DGLUCY: variants seen among roughly 807,000 people sequenced by gnomAD.
The protein encoded by DGLUCY is D-glutamate cyclase.
Under a neutral mutation model 58.5 loss-of-function variants are expected in DGLUCY, and 58 were observed. The observed-to-expected ratio is 0.99, with a 90% CI of 0.80 to 1.23. The LOEUF (loss-of-function observed/expected upper bound fraction) is 1.23. Among genes scored for constraint, DGLUCY ranks in the 50% most tolerant of loss-of-function variants. DGLUCY has a pLI of 0.00. For missense variants in DGLUCY, 779 were observed against 784.7 expected, an observed-to-expected ratio of 0.99 and a Z score of 0.09; for synonymous variants, 325 against 314.1, an observed-to-expected ratio of 1.03 and a Z score of -0.37.
At chr14:91,182,435 T>TA (rs1370688589) in intron 8 of DGLUCY, among the ~76,000 whole-genome samples, 1 of 151,978 alleles carries the variant, frequency 6.6e-6, no homozygotes, top group East Asian at 1.9e-4. Flanking sequence ...CTGCCACCAT[T>TA]AAAAAAAAGT....
chr14:91,202,075 A>ATAATAATAATAATAATAATAATAT (rs2050608338), intron 11 of DGLUCY, among the ~76,000 whole-genome samples: 1 of 143,606 alleles, frequency 7.0e-6, no homozygotes, highest in Admixed American at 7.2e-5. Context: ...AATAATAATA[A>ATAATAATAATAATAATAATAATAT]TAATAATAAT....
chr14:91,068,224 C>T (rs1231564843), intron 1 of DGLUCY, among the ~76,000 whole-genome samples: 1 of 152,180 alleles, frequency 6.6e-6, no homozygotes, highest in Non-Finnish European at 1.5e-5. Flanking sequence ...GCTTAGCAAC[C>T]TTCCTAGCAT....
chr14:91,097,956 AAG>A (rs1417350530), intron 1 of DGLUCY, among the ~76,000 whole-genome samples: 1 of 152,204 alleles, frequency 6.6e-6, no homozygotes, highest in African/African-American at 2.4e-5. Context: ...CTGGAAGAAA[AAG>A]AGAAAAAAAT....
chr14:91,220,790 G>A (rs910997197), intron 13 of DGLUCY: 12 of 421,906 alleles, frequency 2.8e-5, no homozygotes, highest in African/African-American at 2.4e-4. Flanking sequence ...CTGTGCCAGA[G>A]CCCAGGGCCA....
chr14:91,082,694 A>G (rs930649229), intron 1 of DGLUCY, among the ~76,000 whole-genome samples: 2 of 152,190 alleles, frequency 1.3e-5, no homozygotes, highest in African/African-American at 4.8e-5. Flanking sequence ...TGTTGGTATC[A>G]GCTTCATTAT....
chr14:91,108,975 G>A (rs2044648886), intron 1 of DGLUCY, among the ~76,000 whole-genome samples: 1 of 152,130 alleles, frequency 6.6e-6, no homozygotes, highest in African/African-American at 2.4e-5. Flanking sequence ...CCAGGCCCAT[G>A]GTATAGGAAC....
chr14:91,199,400 C>T (rs1212500391), intron 10 of DGLUCY, among the ~76,000 whole-genome samples: 2 of 152,038 alleles, frequency 1.3e-5, no homozygotes, highest in South Asian at 2.1e-4. Flanking sequence ...GCTGGGACTA[C>T]AAGCACCCAC....
intron 1 of DGLUCY, among the ~76,000 whole-genome samples, chr14:91,090,737 G>A (rs1018248181): frequency 6.6e-6 from 1 of 152,180 alleles, no homozygotes; most frequent in African/African-American, 2.4e-5. Context: ...AGACACTGAG[G>A]AAGATGCCTA....
intron 1 of DGLUCY, among the ~76,000 whole-genome samples, chr14:91,073,341 T>G (rs1255743780): frequency 2.0e-5 from 3 of 152,076 alleles, no homozygotes; most frequent in Non-Finnish European, 4.4e-5. Context: ...CTCAGGAGGA[T>G]GAGGCACGAG....
chr14:91,177,777 T>C (rs10132170), intron 7 of DGLUCY, among the ~76,000 whole-genome samples: 54,861 of 152,198 alleles, frequency 0.36, 10,450 homozygotes, highest in Non-Finnish European at 0.42. Context: ...TGATGAGGCG[T>C]GGCTGCCAAG....
intron 12 of DGLUCY, among the ~76,000 whole-genome samples, chr14:91,205,842 C>CTTTTTT (rs36096639): frequency 2.8e-5 from 2 of 70,698 alleles, no homozygotes; most frequent in Non-Finnish European, 4.8e-5. Flanking sequence ...TCTTCTTCTT[C>CTTTTTT]TTTTTTTTTT....
intron 1 of DGLUCY, among the ~76,000 whole-genome samples, chr14:91,115,581 G>T (rs1189383912): frequency 6.6e-6 from 1 of 152,112 alleles, no homozygotes; most frequent in Non-Finnish European, 1.5e-5. Flanking sequence ...ATGCCACCAG[G>T]TCTGGCTAAT....
At chr14:91,209,079 C>T (rs1193629375) in intron 12 of DGLUCY, among the ~76,000 whole-genome samples, 1 of 151,850 alleles carries the variant, frequency 6.6e-6, no homozygotes, top group Non-Finnish European at 1.5e-5. Flanking sequence ...TTTGGGAGGC[C>T]GAGGTGGGTG....
intron 2 of DGLUCY, among the ~76,000 whole-genome samples, chr14:91,158,687 CAACA>C (rs2047797681): frequency 6.6e-6 from 1 of 152,112 alleles, no homozygotes; most frequent in African/African-American, 2.4e-5. Flanking sequence ...GCTAGTCATC[CAACA>C]AACACTTACT....
intron 1 of DGLUCY, among the ~76,000 whole-genome samples, chr14:91,075,272 A>C (rs1405089100): frequency 6.6e-6 from 1 of 151,978 alleles, no homozygotes; most frequent in Non-Finnish European, 1.5e-5. Flanking sequence ...GGGTTGTCAC[A>C]GTAGCATTTA....
At chr14:91,114,042 G>C (rs1316577836), upstream of DGLUCY, 1 of 152,388 alleles carries the variant, frequency 6.6e-6, no homozygotes, top group Non-Finnish European at 1.5e-5. Context: ...CTGCCGAGGA[G>C]ACCACGCTGC....
At chr14:91,077,867 G>A (rs2044055243) in intron 1 of DGLUCY, among the ~76,000 whole-genome samples, 1 of 151,390 alleles carries the variant, frequency 6.6e-6, no homozygotes, top group Non-Finnish European at 1.5e-5. Flanking sequence ...AGGAAGAAAG[G>A]AAGGAAGGGA....
chr14:91,158,831 CTT>C (rs1304125904), intron 2 of DGLUCY: 50 of 138,192 alleles, frequency 3.6e-4, no homozygotes, highest in Admixed American at 5.1e-4. Flanking sequence ...TAAAACCTAT[CTT>C]TTTTTTTTTT....
At chr14:91,222,762 C>T (rs1265642062) in intron 13 of DGLUCY, among the ~76,000 whole-genome samples, 3 of 152,220 alleles carry the variant, frequency 2.0e-5, no homozygotes, top group South Asian at 2.1e-4. Context: ...TGCCCCTTGT[C>T]GTAGCTCAAG....
Sources: allele counts gnomAD v4.1 joint callset (sites outside exome capture counted in the v4.1 genomes callset), GRCh38; gene constraint gnomAD v4.1.1; transcripts MANE v1.5; gene names NCBI Gene and HGNC (gene_info 2026-07-23, HGNC 2026-07-21).